CAMTA1: variants seen among roughly 807,000 people sequenced by gnomAD.
The protein encoded by CAMTA1 is calmodulin binding transcription activator 1, also known as calmodulin-binding transcription activator 1.
CAMTA1 carries 27 observed loss-of-function variants against 170.9 expected under a neutral mutation model. The observed-to-expected ratio is 0.16, with a 90% CI of 0.12 to 0.22. CAMTA1 has a LOEUF of 0.22. CAMTA1 is among the 10% of genes least tolerant of loss of function. CAMTA1 has a pLI of 1.00. For missense variants in CAMTA1, 1,619 were observed against 2,217.2 expected, an observed-to-expected ratio of 0.73 and a Z score of 5.42; for synonymous variants, 833 against 891.5, an observed-to-expected ratio of 0.93 and a Z score of 1.17.
At chr1:7,107,502 A>G (rs1573107224) in intron 4 of CAMTA1, among the ~76,000 whole-genome samples, 1 of 152,194 alleles carries the variant, frequency 6.6e-6, no homozygotes, top group Non-Finnish European at 1.5e-5. Flanking sequence ...TTCTTAAGCC[A>G]CACAGAGAGC....
chr1:7,542,879 G>GTGTGTGTGTT (rs1459264062), intron 6 of CAMTA1, among the ~76,000 whole-genome samples: 11,448 of 138,050 alleles, frequency 0.083, 671 homozygotes, highest in Non-Finnish European at 0.1. Context: ...GTGTGTGTGT[G>GTGTGTGTGTT]TTTGAGCCGG....
chr1:7,222,785 C>G (rs1199929079), intron 4 of CAMTA1, among the ~76,000 whole-genome samples: 4 of 152,234 alleles, frequency 2.6e-5, no homozygotes, highest in African/African-American at 9.6e-5. Flanking sequence ...GAGCTTGGGT[C>G]AGGCCCACTT....
At chr1:6,915,174 C>T (rs1442507973) in intron 3 of CAMTA1, among the ~76,000 whole-genome samples, 1 of 152,172 alleles carries the variant, frequency 6.6e-6, no homozygotes, top group East Asian at 1.9e-4. Context: ...CTTTGGATTC[C>T]TCTACTTTGT....
chr1:7,594,968 T>G (rs1023564394), intron 6 of CAMTA1, among the ~76,000 whole-genome samples: 1 of 151,664 alleles, frequency 6.6e-6, no homozygotes, highest in Non-Finnish European at 1.5e-5. Flanking sequence ...AATGAAGGAG[T>G]CAAGGGTCAG....
At chr1:7,051,998 G>A (rs1706456025) in intron 3 of CAMTA1, among the ~76,000 whole-genome samples, 1 of 145,082 alleles carries the variant, frequency 6.9e-6, no homozygotes, top group Non-Finnish European at 1.5e-5. Flanking sequence ...CTGCCGTGGG[G>A]ACACTGCTGC....
At chr1:7,555,270 C>A (rs565241143) in intron 6 of CAMTA1, among the ~76,000 whole-genome samples, 4 of 152,282 alleles carry the variant, frequency 2.6e-5, no homozygotes, top group African/African-American at 9.6e-5. Flanking sequence ...AGGAAGGGAG[C>A]ATTTGTTTCC....
chr1:7,625,759 C>T (rs1442146753), intron 6 of CAMTA1, among the ~76,000 whole-genome samples: 1 of 152,246 alleles, frequency 6.6e-6, no homozygotes, highest in Admixed American at 6.5e-5. Context: ...TCGAGCCCCA[C>T]TGGTCTGGGG....
intron 6 of CAMTA1, among the ~76,000 whole-genome samples, chr1:7,517,204 G>A (rs553279610): frequency 3.3e-5 from 5 of 152,264 alleles, no homozygotes; most frequent in Non-Finnish European, 7.3e-5. Context: ...GTGAGCGTGG[G>A]ATGTTTGGAT....
chr1:7,119,470 A>G (rs1644520527), intron 4 of CAMTA1, among the ~76,000 whole-genome samples: 1 of 152,192 alleles, frequency 6.6e-6, no homozygotes. Flanking sequence ...GGGGGGCATC[A>G]TTTTTATTTC....
intron 5 of CAMTA1, among the ~76,000 whole-genome samples, chr1:7,310,700 C>CTCTCTCTCTCTCTTTCTTTCTT (rs1361709842): frequency 1.3e-4 from 7 of 53,474 alleles, no homozygotes; most frequent in Admixed American, 2.3e-4. Context: ...CTCTCTCTCT[C>CTCTCTCTCTCTCTTTCTTTCTT]TCTTTCTTTC....
chr1:7,717,075 T>C (rs1346411777), intron 11 of CAMTA1, among the ~76,000 whole-genome samples: 1 of 152,014 alleles, frequency 6.6e-6, no homozygotes, highest in East Asian at 1.9e-4. Context: ...AAAAAGTTGA[T>C]CTCATGGCAG....
rs1474821457 is a variant in CAMTA1 at position 7,010,179 on chromosome 1, C to T, written c.235-81125C>T. Among the ~76,000 whole-genome samples the T allele has an allele frequency of 6.6e-6, 1 of 152,208 alleles. No individual in the cohort carries two copies. Among genetic ancestry groups the T allele is most frequent in the Non-Finnish European group, 1.5e-5 (1 of 68,040 alleles). On this transcript the variant is annotated intron_variant, in intron 3 of 22. Coordinates refer to ENST00000303635, the MANE Select transcript of CAMTA1 (RefSeq NM_015215.4). This position sits in a 1 kb window ranked among gnomAD's most constrained non-coding sequence, Gnocchi z 4.4. ...CTGCAGGACACTGCTGCGAGGAGGG[C>T]TTCCTGGAGCTTGGGGAAGCTTCAG...
At chr1:7,668,042 C>T (rs1002447315) in intron 9 of CAMTA1, among the ~76,000 whole-genome samples, 1 of 152,270 alleles carries the variant, frequency 6.6e-6, no homozygotes, top group South Asian at 2.1e-4. Flanking sequence ...TCTCTCTTGA[C>T]ACTTCTCTCC....
At chr1:7,692,505 GAAGGA>G (rs1405392005) in intron 11 of CAMTA1, among the ~76,000 whole-genome samples, 2 of 152,110 alleles carry the variant, frequency 1.3e-5, no homozygotes, top group African/African-American at 4.8e-5. Context: ...TTAGCCTGGT[GAAGGA>G]AAGAAAGAAC....
At chr1:6,955,551 G>A (rs1013488532) in intron 3 of CAMTA1, among the ~76,000 whole-genome samples, 1 of 152,174 alleles carries the variant, frequency 6.6e-6, no homozygotes, top group Non-Finnish European at 1.5e-5. Flanking sequence ...TAACAAGAAA[G>A]CCTCAAAGCT....
At position 7,072,438 on chromosome 1, in the gene CAMTA1, C is replaced by G. The variant is rs374606041; in HGVS notation, c.235-18866C>G. 1.9e-3 allele frequency among the ~76,000 whole-genome samples: 297 copies of G among 152,320 alleles called. 3 individuals carry two copies. The highest frequency in any genetic ancestry group is 6.7e-3 in the African/African-American group (280 of 41,574). On this transcript the variant is annotated intron_variant, in intron 3 of 22. Transcript: ENST00000303635. ...TTGCTCATTCATTCATTTATCCATTCATTTCTTCATTCAATATTTATGAAA... is the reference window on the plus strand; with the variant it reads ...TTGCTCATTCATTCATTTATCCATTGATTTCTTCATTCAATATTTATGAAA...
chr1:7,549,166 T>TG (rs2094761819), intron 6 of CAMTA1, among the ~76,000 whole-genome samples: 1 of 134,746 alleles, frequency 7.4e-6, no homozygotes, highest in South Asian at 2.6e-4. Context: ...GAGGTGCTGG[T>TG]GGAGGGCACC....
chr1:6,964,234 G>T (rs1691115508), intron 3 of CAMTA1, among the ~76,000 whole-genome samples: 1 of 151,926 alleles, frequency 6.6e-6, no homozygotes, highest in Admixed American at 6.6e-5. Context: ...CGTCCTGGAG[G>T]TCTGGGTAGG....
chr1:7,519,047 A>G (rs2094325907), intron 6 of CAMTA1, among the ~76,000 whole-genome samples: 2 of 152,062 alleles, frequency 1.3e-5, no homozygotes, highest in African/African-American at 4.8e-5. Flanking sequence ...ATCCATCACC[A>G]GACAGCCCAC....
Sources: gnomAD v4.1 joint callset for allele counts (sites outside exome capture counted in the v4.1 genomes callset) on GRCh38, gnomAD v4.1.1 for gene constraint, Gnocchi (gnomAD v3.1) non-coding constraint, MANE v1.5 for transcripts, NCBI Gene and HGNC (gene_info 2026-07-23, HGNC 2026-07-21) for gene names.